The following GRIP1 variants were observed in gnomAD, a reference collection of about 807,000 sequenced individuals.
The protein encoded by GRIP1 is glutamate receptor interacting protein 1, also known as glutamate receptor-interacting protein 1.
In GRIP1, 45 loss-of-function variants were observed where a neutral mutation model predicts 129.9. The ratio of observed to expected loss-of-function variants is 0.35; its 90% confidence interval spans 0.27 to 0.44. The LOEUF (loss-of-function observed/expected upper bound fraction) is 0.44, where lower values mean the gene tolerates loss of function less well. Ranked by LOEUF, GRIP1 falls within the 20% of genes least tolerant of loss-of-function variation. The probability of loss-of-function intolerance (pLI) is 1.00; values close to 1 mark genes in which losing one functional copy is unlikely to be tolerated. For synonymous variants in GRIP1, 530 were observed against 520.8 expected (o/e 1.02, Z -0.24); for missense variants, 1,196 against 1,396.8 (o/e 0.86, Z 2.29).
chr12:67,061,748 T>C (rs371061634), intron 1 of GRIP1, among the ~76,000 whole-genome samples: 24 of 152,172 alleles, frequency 1.6e-4, no homozygotes, highest in African/African-American at 5.3e-4. Flanking sequence ...AGAAAGCTAT[T>C]GTACAATAAG....
intron 1 of GRIP1, among the ~76,000 whole-genome samples, chr12:66,937,172 C>G (rs978723655): frequency 6.6e-6 from 1 of 152,106 alleles, no homozygotes; most frequent in African/African-American, 2.4e-5. Flanking sequence ...GGCTCACTGC[C>G]TAACTTCCTC....
intron 1 of GRIP1, among the ~76,000 whole-genome samples, chr12:66,957,998 C>T (rs1355871643): frequency 6.6e-6 from 1 of 152,020 alleles, no homozygotes; most frequent in African/African-American, 2.4e-5. Context: ...TTAGTACACA[C>T]TCATAAATAT....
chr12:66,873,803 T>C (rs2040336794), intron 1 of GRIP1, among the ~76,000 whole-genome samples: 1 of 152,120 alleles, frequency 6.6e-6, no homozygotes, highest in Non-Finnish European at 1.5e-5. Context: ...ATTTTTATCA[T>C]GTTCATGTAT....
At chr12:66,726,811 G>A (rs1280518812) in intron 1 of GRIP1, among the ~76,000 whole-genome samples, 5 of 152,148 alleles carry the variant, frequency 3.3e-5, no homozygotes. Flanking sequence ...TCTTCATTCT[G>A]CCCATTAAGT....
chr12:66,706,103 T>A (rs780178840), intron 1 of GRIP1, among the ~76,000 whole-genome samples: 2 of 152,098 alleles, frequency 1.3e-5, no homozygotes, highest in Non-Finnish European at 2.9e-5. Context: ...GAAACTAGCA[T>A]CAGAGTGAAC....
chr12:66,929,392 T>A (rs186276344), intron 1 of GRIP1, among the ~76,000 whole-genome samples: 3 of 152,186 alleles, frequency 2.0e-5, no homozygotes, highest in Non-Finnish European at 4.4e-5. Flanking sequence ...ACAAGACATA[T>A]CATGATATAA....
intron 1 of GRIP1, among the ~76,000 whole-genome samples, chr12:66,743,444 C>A (rs2136568624): frequency 6.6e-6 from 1 of 152,104 alleles, no homozygotes; most frequent in African/African-American, 2.4e-5. Flanking sequence ...GGAACCCTTT[C>A]AGAAGCCAAG....
chr12:66,688,099 G>T (rs766156842), intron 1 of GRIP1, among the ~76,000 whole-genome samples: 1 of 152,132 alleles, frequency 6.6e-6, no homozygotes, highest in East Asian at 1.9e-4. Context: ...TGGAACATCC[G>T]GATTCATCCA....
chr12:66,432,723 T>C (rs1429754554), intron 13 of GRIP1, 95 bp from the exon 14 acceptor site: 6 of 715,380 alleles, frequency 8.4e-6, no homozygotes, highest in African/African-American at 6.1e-5. Flanking sequence ...ATCATAATCA[T>C]ATGTAGCTAA....
chr12:66,697,869 A>G (rs1354681696), intron 1 of GRIP1, among the ~76,000 whole-genome samples: 1 of 152,168 alleles, frequency 6.6e-6, no homozygotes, highest in East Asian at 1.9e-4. Flanking sequence ...TCTAATCAGC[A>G]AATGCAAATC....
chr12:66,417,493 G>A (rs1421952257), intron 15 of GRIP1, among the ~76,000 whole-genome samples: 2 of 152,090 alleles, frequency 1.3e-5, no homozygotes, highest in Admixed American at 1.3e-4. Flanking sequence ...AAAGGAAGAA[G>A]TCAAATTATC....
chr12:66,579,498 A>C (rs900677461), intron 2 of GRIP1, among the ~76,000 whole-genome samples: 1 of 152,194 alleles, frequency 6.6e-6, no homozygotes, highest in South Asian at 2.1e-4. Flanking sequence ...CAAAGAAGTT[A>C]AAAACTTTGA....
rs138800373 is a variant in GRIP1, at chr12:66,987,102, ACTC to A, written c.58+81945_58+81947del. On this transcript the variant is annotated intron_variant, in intron 1 of 1. Transcript: ENST00000643019. ...GTGAAATACATGGGAATAGAGCTGA[ACTC>A]CTGGAGCTTTCTAGGAAAGGGTGAG... 9.2e-3 allele frequency among the ~76,000 whole-genome samples: 1,396 copies of A among 152,224 alleles called. 7 individuals carry two copies. Among genetic ancestry groups the A allele is most frequent in the Non-Finnish European group, 0.015 (999 of 68,026 alleles).
chr12:66,927,087 A>C (rs2041309216), intron 1 of GRIP1, among the ~76,000 whole-genome samples: 1 of 152,226 alleles, frequency 6.6e-6, no homozygotes, highest in Non-Finnish European at 1.5e-5. Flanking sequence ...ATGGTTTCAC[A>C]GCTTTTCTGA....
intron 14 of GRIP1, among the ~76,000 whole-genome samples, chr12:66,421,123 T>C (rs192152340): frequency 1.8e-4 from 27 of 152,350 alleles, no homozygotes; most frequent in African/African-American, 5.5e-4. Flanking sequence ...TTAAAATCAA[T>C]TGGGGGCTCC....
chr12:66,714,848 AC>A (rs937240499), intron 1 of GRIP1, among the ~76,000 whole-genome samples: 8 of 149,756 alleles, frequency 5.3e-5, no homozygotes, highest in Non-Finnish European at 5.9e-5. Flanking sequence ...CATCCAATCC[AC>A]CCCCCTACCA....
Position 66,349,207 on chromosome 12 carries a change from C to T in GRIP1, c.3199G>A (p.Val1067Ile). The T allele has an allele frequency of 3.1e-6, 5 of 1,614,134 alleles. No individual in the cohort carries two copies. The highest frequency in any genetic ancestry group is 1.1e-5 in the South Asian group (1 of 91,076). ...VRTRDFDCCL[V>I]VPLIAESGNK... ...CCGGATTCTGCTATGAGGGGCACAACAAGGCAGCAGTCAAAGTCTCTGGTT... is the reference window on the plus strand; with the variant it reads ...CCGGATTCTGCTATGAGGGGCACAATAAGGCAGCAGTCAAAGTCTCTGGTT... The change falls in exon 25 of 25, where the codon GTT becomes ATT. Residue 1067 changes from valine to isoleucine, a missense_variant. By Grantham distance (29) the Val-to-Ile change is conservative. Around this residue, in one of 5 missense-constraint regions of GRIP1, gnomAD observed 427 missense variants for 463.3 expected, o/e 0.92. Coordinates refer to ENST00000359742, the MANE Select transcript of GRIP1 (RefSeq NM_001366722.1).
intron 1 of GRIP1, among the ~76,000 whole-genome samples, chr12:66,990,620 C>T (rs945376538): frequency 6.6e-6 from 1 of 152,208 alleles, no homozygotes; most frequent in Non-Finnish European, 1.5e-5. Flanking sequence ...GTTTTACATA[C>T]ACATATCTGT....
chr12:67,053,698 C>T (rs897775117), intron 1 of GRIP1, among the ~76,000 whole-genome samples: 7 of 151,908 alleles, frequency 4.6e-5, no homozygotes, highest in Middle Eastern at 3.4e-3. Context: ...ATTAGCCAGG[C>T]GTGGTGGTGT....
Sources: allele counts gnomAD v4.1 joint callset (sites outside exome capture counted in the v4.1 genomes callset), GRCh38; gene constraint gnomAD v4.1.1; regional missense constraint gnomAD v4.1.1; transcripts MANE v1.5; gene names NCBI Gene and HGNC (gene_info 2026-07-23, HGNC 2026-07-21).